TTC7A: variants seen among roughly 807,000 people sequenced by gnomAD.
TTC7A encodes tetratricopeptide repeat domain 7A.
In TTC7A, 110 loss-of-function variants were observed where a neutral mutation model predicts 103.7. That is an observed-to-expected ratio of 1.06 (90% confidence interval 0.91 to 1.24). The LOEUF (loss-of-function observed/expected upper bound fraction) is 1.24. Among genes scored for constraint, TTC7A ranks in the 50% most tolerant of loss-of-function variants. TTC7A has a pLI of 0.00. For synonymous variants in TTC7A, 521 were observed against 467.9 expected (o/e 1.11, Z -1.47); for missense variants, 1,340 against 1,116.3 (o/e 1.20, Z -2.86).
chr2:46,979,568 A>C (rs1264736471), intron 5 of TTC7A, among the ~76,000 whole-genome samples: 1 of 152,150 alleles, frequency 6.6e-6, no homozygotes, highest in African/African-American at 2.4e-5. Flanking sequence ...TGGGTGAAGC[A>C]AGACCTGCCT....
intron 5 of TTC7A, among the ~76,000 whole-genome samples, chr2:46,989,799 CGTGTGTGTGTGTGTGTGCATCT>C (rs1346408636): frequency 6.9e-5 from 10 of 144,224 alleles, no homozygotes; most frequent in South Asian, 6.7e-4. Flanking sequence ...TCTTTAATTG[CGTGTGTGTGTGTGTGTGCATCT>C]GTGTGTGTGT....
At chr2:47,016,982 C>G (rs569910284) in intron 11 of TTC7A, among the ~76,000 whole-genome samples, 3 of 151,018 alleles carry the variant, frequency 2.0e-5, no homozygotes, top group South Asian at 2.1e-4. Flanking sequence ...GTGGATCACC[C>G]GAGGTCAGGA....
chr2:46,986,238 C>T (rs1356789638), intron 5 of TTC7A, among the ~76,000 whole-genome samples: 1 of 152,108 alleles, frequency 6.6e-6, no homozygotes, highest in East Asian at 1.9e-4. Context: ...TCCTGCCCTC[C>T]TAGCCTCTTG....
At chr2:46,934,807 T>C (rs1324875917) in intron 2 of TTC7A, among the ~76,000 whole-genome samples, 2 of 129,432 alleles carry the variant, frequency 1.5e-5, no homozygotes, top group South Asian at 2.8e-4. Context: ...TTTTTTTTTT[T>C]TTTTTTTTTT....
chr2:47,058,856 C>T (rs1683533549), intron 18 of TTC7A, among the ~76,000 whole-genome samples: 1 of 151,982 alleles, frequency 6.6e-6, no homozygotes, highest in African/African-American at 2.4e-5. Flanking sequence ...ATTTCCTACT[C>T]CTCTGGTTGC....
intron 5 of TTC7A, among the ~76,000 whole-genome samples, chr2:46,987,570 A>G (rs545209450): frequency 1.3e-5 from 2 of 152,286 alleles, no homozygotes; most frequent in East Asian, 3.9e-4. Flanking sequence ...CCTTCCGCCT[A>G]GACCTGGCAG....
At chr2:46,986,901 G>A (rs187169605) in intron 5 of TTC7A, among the ~76,000 whole-genome samples, 6 of 152,182 alleles carry the variant, frequency 3.9e-5, no homozygotes, top group Non-Finnish European at 1.5e-5. Flanking sequence ...CTTCAGGAAA[G>A]CCTGGGCCTC....
chr2:47,023,788 A>G (rs1180521635), intron 13 of TTC7A, among the ~76,000 whole-genome samples: 3 of 152,092 alleles, frequency 2.0e-5, no homozygotes, highest in Admixed American at 2.0e-4. Flanking sequence ...CTTGCACAGT[A>G]TCCTATGTGT....
intron 15 of TTC7A, among the ~76,000 whole-genome samples, chr2:47,042,534 G>A (rs113861989): frequency 0.015 from 2,220 of 152,064 alleles, 30 homozygotes; most frequent in Middle Eastern, 0.02. Context: ...TTTTATAAAA[G>A]GGCAGCTTTT....
At chr2:47,001,900 A>ATAGGGCTG (rs1439114174) in intron 8 of TTC7A, among the ~76,000 whole-genome samples, 1 of 150,920 alleles carries the variant, frequency 6.6e-6, no homozygotes, top group East Asian at 1.9e-4. Flanking sequence ...TGTCACACGC[A>ATAGGGCTG]TAGGGCTGGC....
rs533601722 is a variant in TTC7A, at chr2:47,044,448, C to A, written c.1803-1867C>A. On this transcript the variant is annotated intron_variant, in intron 15 of 19. Transcript: ENST00000319190. Reference sequence around the variant, plus strand: ...CAGTGGCAAGACCAGTTGTCCCCAGCAGTTGCCCACTGGGGTCATTCCTAC... The same window carrying A: ...CAGTGGCAAGACCAGTTGTCCCCAGAAGTTGCCCACTGGGGTCATTCCTAC... Among the ~76,000 whole-genome samples the A allele has an allele frequency of 5.3e-5, 8 of 152,324 alleles. No individual in the cohort carries two copies. In the South Asian group the frequency reaches 1.5e-3, roughly 28 times the overall value.
At chr2:46,954,719 C>T (rs1671698324) in intron 2 of TTC7A, among the ~76,000 whole-genome samples, 1 of 151,882 alleles carries the variant, frequency 6.6e-6, no homozygotes, top group South Asian at 2.1e-4. Context: ...TTACAGGCGC[C>T]CACCACCACG....
At chr2:47,063,619 G>A (rs1350924589) in intron 19 of TTC7A, among the ~76,000 whole-genome samples, 1 of 152,246 alleles carries the variant, frequency 6.6e-6, no homozygotes, top group East Asian at 1.9e-4. Context: ...AGAGGAATGT[G>A]GAAGGTATCC....
chr2:47,005,356 A>G (rs1865258), intron 8 of TTC7A, among the ~76,000 whole-genome samples: 100,257 of 152,072 alleles, frequency 0.66, 33,278 homozygotes, highest in East Asian at 0.76. Context: ...CCACCTACCC[A>G]ATCCAGGCAC....
intron 15 of TTC7A, among the ~76,000 whole-genome samples, chr2:47,033,885 C>T (rs1292266816): frequency 6.6e-6 from 1 of 152,108 alleles, no homozygotes; most frequent in East Asian, 1.9e-4. Flanking sequence ...CTGACAGAGG[C>T]AGGGAAGGAA....
At chr2:46,995,100 T>C in intron 7 of TTC7A, 36 bp from the exon 8 acceptor site, 2 of 1,610,152 alleles carry the variant, frequency 1.2e-6, no homozygotes, top group Non-Finnish European at 1.7e-6. Flanking sequence ...TGGTGAGGTG[T>C]GTGCTCTAGC....
intron 5 of TTC7A, among the ~76,000 whole-genome samples, chr2:46,984,049 A>G (rs891107437): frequency 6.6e-6 from 1 of 152,216 alleles, no homozygotes; most frequent in African/African-American, 2.4e-5. Context: ...AGGCACTTGC[A>G]TGTCTGTTAG....
At chr2:46,942,092 G>A (rs934449413) in intron 1 of TTC7A, among the ~76,000 whole-genome samples, 1 of 152,196 alleles carries the variant, frequency 6.6e-6, no homozygotes, top group Admixed American at 6.5e-5. Context: ...AAGTGTGTCT[G>A]TGTCGTCTTT....
chr2:47,029,466 G>A, intron 15 of TTC7A, 82 bp downstream of exon 15: 2 of 1,505,168 alleles, frequency 1.3e-6, no homozygotes, highest in South Asian at 1.2e-5. Context: ...GCCCTGCCAT[G>A]GTGTCAGCCA....
Sources: gnomAD v4.1 joint callset for allele counts (sites outside exome capture counted in the v4.1 genomes callset) on GRCh38, gnomAD v4.1.1 for gene constraint, MANE v1.5 for transcripts, NCBI Gene and HGNC (gene_info 2026-07-23, HGNC 2026-07-21) for gene names.